Variants in TASP1 observed in about 807,000 individuals in gnomAD.
The protein encoded by TASP1 is threonine aspartase 1.
In TASP1, 16 loss-of-function variants were observed where a neutral mutation model predicts 56.6. The observed-to-expected ratio is 0.28, with a 90% confidence interval of 0.19 to 0.43. The LOEUF is 0.43. Ranked by LOEUF, TASP1 falls within the 20% of genes least tolerant of loss-of-function variation. TASP1 has a pLI of 1.00. For synonymous variants in TASP1, 179 were observed against 184.2 expected (o/e 0.97, Z 0.23); for missense variants, 393 against 511.6 (o/e 0.77, Z 2.24).
chr20:13,512,005 T>C (rs978578774), intron 10 of TASP1, among the ~76,000 whole-genome samples: 11 of 152,100 alleles, frequency 7.2e-5, no homozygotes, highest in African/African-American at 1.9e-4. Flanking sequence ...CACTCTACCA[T>C]TGATGGACAC....
intron 9 of TASP1, among the ~76,000 whole-genome samples, chr20:13,531,147 A>G (rs1005493725): frequency 6.6e-6 from 1 of 152,198 alleles, no homozygotes; most frequent in Non-Finnish European, 1.5e-5. Context: ...ATAATATGTA[A>G]TTTAAATACA....
intron 13 of TASP1, among the ~76,000 whole-genome samples, chr20:13,411,174 A>G (rs539233062): frequency 8.5e-5 from 13 of 152,204 alleles, no homozygotes; most frequent in Non-Finnish European, 1.6e-4. Flanking sequence ...ACTCTGTTCT[A>G]TTGGTCTATA....
chr20:13,519,705 T>C lies in TASP1; in HGVS notation c.874+8728A>G, dbSNP rs150442542. On this transcript the variant is annotated intron_variant, in intron 10 of 13. Coordinates refer to ENST00000337743, the MANE Select transcript of TASP1 (RefSeq NM_017714.3). ...AAACTGGAAGCATTCCCTTTGAAAA[T>C]TGGCACAAGACAGGGATGCCCTCTC... 6.3e-3 allele frequency among the ~76,000 whole-genome samples: 957 copies of C among 152,088 alleles called. 3 individuals carry two copies. The highest frequency in any genetic ancestry group is 0.01 in the Non-Finnish European group (689 of 67,982).
intron 10 of TASP1, among the ~76,000 whole-genome samples, chr20:13,501,833 C>T (rs952751542): frequency 1.3e-5 from 2 of 151,792 alleles, no homozygotes; most frequent in African/African-American, 2.4e-5. Flanking sequence ...AGATAAAAAA[C>T]ATATAGCAGA....
chr20:13,376,704 C>A, the TASP1 span, among the ~76,000 whole-genome samples: 3 of 152,138 alleles, frequency 2.0e-5, no homozygotes, highest in African/African-American at 4.8e-5. Flanking sequence ...TTCTTCCTAT[C>A]CATGAGCATG....
chr20:13,615,255 T>C (rs777743790), intron 4 of TASP1, among the ~76,000 whole-genome samples: 2 of 152,152 alleles, frequency 1.3e-5, no homozygotes, highest in Admixed American at 6.5e-5. Flanking sequence ...TTACAGTACA[T>C]GTGTGTCATG....
At chr20:13,512,209 TAC>T (rs1337649262) in intron 10 of TASP1, among the ~76,000 whole-genome samples, 1 of 152,176 alleles carries the variant, frequency 6.6e-6, no homozygotes, top group Non-Finnish European at 1.5e-5. Flanking sequence ...TGAACTAGTT[TAC>T]AGTCCTACCA....
At chr20:13,358,226 GCTGA>G in the TASP1 span, among the ~76,000 whole-genome samples, 1 of 151,956 alleles carries the variant, frequency 6.6e-6, no homozygotes, top group Admixed American at 6.6e-5. Flanking sequence ...ATCTCCCTTC[GCTGA>G]CTTTCTTTTC....
chr20:13,198,398 T>A, the TASP1 span, among the ~76,000 whole-genome samples: 4 of 152,148 alleles, frequency 2.6e-5, no homozygotes, highest in Admixed American at 2.6e-4. Context: ...GGGAGTTCTC[T>A]GGGGTCCCTT....
chr20:13,620,393 A>T (rs2048670779), intron 4 of TASP1, among the ~76,000 whole-genome samples: 1 of 152,118 alleles, frequency 6.6e-6, no homozygotes, highest in African/African-American at 2.4e-5. Flanking sequence ...GGAAAATACA[A>T]ATTATCACAT....
intron 5 of TASP1, among the ~76,000 whole-genome samples, chr20:13,586,726 T>C (rs976832577): frequency 6.6e-6 from 1 of 152,172 alleles, no homozygotes. Context: ...ATCTTTTATG[T>C]ACTGATGTGG....
chr20:13,404,891 T>C (rs190313443), intron 13 of TASP1, among the ~76,000 whole-genome samples: 1 of 152,184 alleles, frequency 6.6e-6, no homozygotes, highest in African/African-American at 2.4e-5. Context: ...ATAAAAAATA[T>C]TTTTAGCACA....
the TASP1 span, among the ~76,000 whole-genome samples, chr20:13,225,025 T>C: frequency 1.3e-5 from 2 of 151,032 alleles, no homozygotes. Context: ...TTTTTTTTTT[T>C]TGTATTTTTA....
At chr20:13,121,370 G>A in the TASP1 span, among the ~76,000 whole-genome samples, 1 of 152,294 alleles carries the variant, frequency 6.6e-6, no homozygotes, top group Non-Finnish European at 1.5e-5. Context: ...AGTGAGCTCT[G>A]CCCTGCACAC....
chr20:13,386,344 G>A (rs1600646394), downstream of TASP1, among the ~76,000 whole-genome samples: 1 of 152,280 alleles, frequency 6.6e-6, no homozygotes, highest in Non-Finnish European at 1.5e-5. Context: ...TAAAGAGTCT[G>A]TAGGGTGTTT....
At chr20:13,172,719 C>T in the TASP1 span, among the ~76,000 whole-genome samples, 2 of 152,114 alleles carry the variant, frequency 1.3e-5, no homozygotes, top group South Asian at 2.1e-4. Flanking sequence ...GAGAGTAAAA[C>T]GGGGATTTTT....
downstream of TASP1, among the ~76,000 whole-genome samples, chr20:13,386,169 G>A (rs1490055378): frequency 6.6e-6 from 1 of 152,232 alleles, no homozygotes; most frequent in Non-Finnish European, 1.5e-5. Context: ...ATTAGGCTGA[G>A]CCAGCATTGT....
the TASP1 span, chr20:13,169,205 G>A: frequency 1.6e-4 from 25 of 152,164 alleles, no homozygotes; most frequent in African/African-American, 5.3e-4. Context: ...GGGGTGGCTG[G>A]AGCTGGCTTG....
At chr20:13,437,071 A>G (rs542780753) in intron 11 of TASP1, among the ~76,000 whole-genome samples, 1 of 152,158 alleles carries the variant, frequency 6.6e-6, no homozygotes, top group African/African-American at 2.4e-5. Context: ...AGAATTTTAG[A>G]CCAATATCCC....
Sources: allele counts gnomAD v4.1 joint callset (sites outside exome capture counted in the v4.1 genomes callset), GRCh38; gene constraint gnomAD v4.1.1; transcripts MANE v1.5; gene names NCBI Gene and HGNC (gene_info 2026-07-23, HGNC 2026-07-21).